Variants in CBFA2T2 observed in about 807,000 individuals in gnomAD.
CBFA2T2 encodes protein CBFA2T2.
A neutral mutation model predicts 62.2 loss-of-function variants in CBFA2T2; 11 were observed. The observed-to-expected ratio is 0.18, with a 90% confidence interval of 0.11 to 0.29. The LOEUF (loss-of-function observed/expected upper bound fraction) is 0.29, where lower values mean the gene tolerates loss of function less well. Ranked by LOEUF, CBFA2T2 falls within the 10% of genes least tolerant of loss-of-function variation. CBFA2T2 has a pLI of 1.00. For missense variants in CBFA2T2, 592 were observed against 774.1 expected, an observed-to-expected ratio of 0.76 and a Z score of 2.79; for synonymous variants, 295 against 287.5, an observed-to-expected ratio of 1.03 and a Z score of -0.27.
chr20:33,567,869 C>G lies in CBFA2T2; in HGVS notation c.35-39087C>G, dbSNP rs141305509. On this transcript the variant is annotated intron_variant, in intron 1 of 10. Coordinates refer to ENST00000342704, the MANE Select transcript of CBFA2T2 (RefSeq NM_001032999.3). ...AAAGTGCTGGGATTACAGGCATGAGCCACCACGCCCAGCCTGTAAATTAAA... is the reference window on the plus strand; with the variant it reads ...AAAGTGCTGGGATTACAGGCATGAGGCACCACGCCCAGCCTGTAAATTAAA... 5.2e-3 allele frequency among the ~76,000 whole-genome samples: 798 copies of G among 152,308 alleles called. 6 individuals are homozygous for G. Among genetic ancestry groups the G allele is most frequent in the African/African-American group, 0.018 (753 of 41,580 alleles).
intron 1 of CBFA2T2, among the ~76,000 whole-genome samples, chr20:33,523,557 T>C (rs2011793595): frequency 6.6e-6 from 1 of 152,224 alleles, no homozygotes; most frequent in Admixed American, 6.5e-5. Context: ...CACAGTCTAG[T>C]GATCCAATAA....
intron 1 of CBFA2T2, among the ~76,000 whole-genome samples, chr20:33,506,823 C>G (rs1046263263): frequency 6.6e-6 from 1 of 152,142 alleles, no homozygotes; most frequent in Admixed American, 6.6e-5. Context: ...GAGAGCAACA[C>G]TTGGCTAGCT....
Position 33,623,129 on chromosome 20 carries a change from G to T in CBFA2T2, c.525G>T (p.Leu175=). The T allele has an allele frequency of 1.2e-6, 2 of 1,614,208 alleles. No homozygotes were observed. Among genetic ancestry groups the T allele is most frequent in the Non-Finnish European group, 1.7e-6 (2 of 1,180,034 alleles). Residue 175 remains leucine, a synonymous_variant, in exon 5 of 11, where the codon CTG becomes CTT. Transcript: ENST00000342704. ...VIPFLKANLP[L]LQRELLHCAR... Reference sequence around the variant, plus strand: ...TTCCTTTCAAGGCCAACCTGCCCCTGCTGCAGCGGGAACTGCTGCACTGCG... The same window carrying T: ...TTCCTTTCAAGGCCAACCTGCCCCTTCTGCAGCGGGAACTGCTGCACTGCG...
chr20:33,576,135 A>G (rs929083786), intron 1 of CBFA2T2, among the ~76,000 whole-genome samples: 5 of 152,036 alleles, frequency 3.3e-5, no homozygotes, highest in Non-Finnish European at 5.9e-5. Flanking sequence ...GGGAGGTTTT[A>G]TTTCTGTCAA....
At chr20:33,507,536 T>C (rs1366831660) in intron 1 of CBFA2T2, among the ~76,000 whole-genome samples, 2 of 152,240 alleles carry the variant, frequency 1.3e-5, no homozygotes, top group African/African-American at 2.4e-5. Context: ...AGAATACTTA[T>C]TGAAGTTTCT....
intron 1 of CBFA2T2, among the ~76,000 whole-genome samples, chr20:33,543,517 G>C (rs2012460510): frequency 1.3e-5 from 2 of 152,176 alleles, no homozygotes; most frequent in African/African-American, 2.4e-5. Context: ...AAAGAAGTGG[G>C]GGAGATGAAC....
intron 1 of CBFA2T2, chr20:33,600,555 G>A: frequency 3.0e-6 from 1 of 335,108 alleles, no homozygotes; most frequent in Non-Finnish European, 5.8e-6. Context: ...TGATTGAAGA[G>A]AGGCTATGGT....
chr20:33,589,119 T>C (rs767254051), intron 1 of CBFA2T2, among the ~76,000 whole-genome samples: 1 of 152,118 alleles, frequency 6.6e-6, no homozygotes, highest in Non-Finnish European at 1.5e-5. Context: ...ACATGCAAAA[T>C]GTGGCTTAAA....
chr20:33,520,739 C>T (rs2011704987), intron 1 of CBFA2T2, among the ~76,000 whole-genome samples: 1 of 151,916 alleles, frequency 6.6e-6, no homozygotes, highest in East Asian at 1.9e-4. Flanking sequence ...CGCTGCACTC[C>T]AGCCTTGGTG....
At chr20:33,602,351 A>G (rs1007447460) in intron 1 of CBFA2T2, among the ~76,000 whole-genome samples, 1 of 149,116 alleles carries the variant, frequency 6.7e-6, no homozygotes, top group Non-Finnish European at 1.5e-5. Context: ...CTTCTTTCCA[A>G]TTGCTTGGGA....
At position 33,636,688 on chromosome 20, in the gene CBFA2T2, T is replaced by C. The variant is rs1372353578; in HGVS notation, c.1277T>C (p.Val426Ala). The C allele has an allele frequency of 6.2e-7, 1 of 1,613,300 alleles. No individual in the cohort carries two copies. The highest frequency in any genetic ancestry group is 1.7e-4 in the Middle Eastern group (1 of 6,060). ...AGGCCAGGTACAGGATACGTACCTG[T>C]GGAGTTTTGGAAAAAAACAGGTATG... ...NSRPGTGYVPVEFWKKTEEAV... is the reference protein window; with the variant it reads ...NSRPGTGYVPAEFWKKTEEAV... Residue 426 changes from valine to alanine, a missense_variant, in exon 9 of 11, where the codon GTG (valine) becomes GCG (alanine). This residue lies in a region of CBFA2T2 where 449 missense variants were observed against 551.2 expected (regional missense o/e 0.81). Transcript: ENST00000342704.
intron 9 of CBFA2T2, chr20:33,638,741 A>G (rs758599158): frequency 3.9e-5 from 6 of 152,142 alleles, no homozygotes; most frequent in Non-Finnish European, 7.3e-5. Flanking sequence ...GGAGCTACGT[A>G]TTTTGGGACT....
At chr20:33,548,010 A>G (rs577506274) in intron 1 of CBFA2T2, among the ~76,000 whole-genome samples, 2 of 152,030 alleles carry the variant, frequency 1.3e-5, no homozygotes, top group African/African-American at 4.8e-5. Context: ...GGCTCAAGCG[A>G]TCCTTCCACC....
intron 1 of CBFA2T2, among the ~76,000 whole-genome samples, chr20:33,584,393 G>A (rs1456238868): frequency 6.6e-6 from 1 of 151,386 alleles, no homozygotes; most frequent in Admixed American, 6.6e-5. Context: ...AGCCTCCCAA[G>A]TAGGTGGGAC....
intron 4 of CBFA2T2, 150 bp from the exon 5 acceptor site, chr20:33,622,965 T>A: frequency 1.5e-6 from 1 of 673,276 alleles, no homozygotes; most frequent in Admixed American, 2.8e-5. Flanking sequence ...ATAAGAGATA[T>A]CATTGACTCA....
intron 4 of CBFA2T2, among the ~76,000 whole-genome samples, chr20:33,621,702 G>C (rs2015995163): frequency 6.6e-6 from 1 of 152,126 alleles, no homozygotes; most frequent in African/African-American, 2.4e-5. Flanking sequence ...CTAAGAAAAT[G>C]TAACAGCATC....
At chr20:33,601,209 C>A (rs1356948342) in intron 1 of CBFA2T2, among the ~76,000 whole-genome samples, 1 of 152,174 alleles carries the variant, frequency 6.6e-6, no homozygotes, top group East Asian at 1.9e-4. Context: ...CCACCCACGC[C>A]CAGCCTGAGA....
At chr20:33,545,196 T>A (rs1262340727) in intron 1 of CBFA2T2, among the ~76,000 whole-genome samples, 3 of 152,216 alleles carry the variant, frequency 2.0e-5, no homozygotes, top group Non-Finnish European at 2.9e-5. Flanking sequence ...AAGAATGTGA[T>A]CTTGGGGTAT....
At chr20:33,582,182 T>G (rs2014147889) in intron 1 of CBFA2T2, among the ~76,000 whole-genome samples, 1 of 152,138 alleles carries the variant, frequency 6.6e-6, no homozygotes, top group Non-Finnish European at 1.5e-5. Flanking sequence ...CATGTTAGCC[T>G]TTTGATGATG....
Sources: gnomAD v4.1 joint callset for allele counts (sites outside exome capture counted in the v4.1 genomes callset) on GRCh38, gnomAD v4.1.1 for gene constraint, gnomAD v4.1.1 regional missense constraint, MANE v1.5 for transcripts, NCBI Gene and HGNC (gene_info 2026-07-23, HGNC 2026-07-21) for gene names.